Variants in DLEC1 observed in about 807,000 individuals in gnomAD.
DLEC1 encodes deleted in lung and esophageal cancer protein 1.
DLEC1 carries 146 observed loss-of-function variants against 198.1 expected under a neutral mutation model. That is an observed-to-expected ratio of 0.74 (90% CI 0.64 to 0.85). The LOEUF is 0.85. Ranked by LOEUF, DLEC1 falls within the 40% of genes least tolerant of loss-of-function variation. The pLI is 0.00. For synonymous variants in DLEC1, 897 were observed against 866.8 expected (o/e 1.03, Z -0.61); for missense variants, 2,233 against 2,220.0 (o/e 1.01, Z -0.12).
chr3:38,092,699 A>C (rs1403221564), intron 10 of DLEC1, 91 bp from the exon 11 acceptor site: 46 of 1,120,140 alleles, frequency 4.1e-5, no homozygotes, highest in Non-Finnish European at 6.1e-5. Context: ...GAGCAAAGAA[A>C]GGGGTGTGTG....
chr3:38,061,463 G>A (rs1696681265), intron 3 of DLEC1, among the ~76,000 whole-genome samples: 2 of 152,162 alleles, frequency 1.3e-5, no homozygotes, highest in Non-Finnish European at 2.9e-5. Flanking sequence ...TTACAGGCAT[G>A]AGCCACTGCG....
Position 38,072,570 on chromosome 3 carries a change from C to T in DLEC1, c.1173+8651C>T, listed in dbSNP as rs370106888. Among the ~76,000 whole-genome samples the T allele has an allele frequency of 2.0e-4, 30 of 152,146 alleles. No homozygotes were observed. The South Asian group carries it at 2.5e-3, about 13-fold the overall frequency. On this transcript the variant is annotated intron_variant, in intron 6 of 36. Coordinates refer to ENST00000308059, the MANE Select transcript of DLEC1 (RefSeq NM_007335.4). ...AGTCTCTAAAGCTGTCTTCAAGGAACAGAAAGAGGAGTGGGGAAAGGATTT... is the reference window on the plus strand; with the variant it reads ...AGTCTCTAAAGCTGTCTTCAAGGAATAGAAAGAGGAGTGGGGAAAGGATTT...
Position 38,097,246 on chromosome 3 carries a change from T to C in DLEC1, c.2405T>C (p.Ile802Thr), listed in dbSNP as rs1036269892. Residue 802 changes from isoleucine (I) to threonine (T), a missense_variant, in exon 16 of 37, where the codon ATT becomes ACT. Ile to Thr is a moderately conservative substitution (Grantham distance 89). Transcript: ENST00000308059. ...GGGAAGATCAGCGACTGCCACATCA[T>C]TGAAGTGGAGCCCGGCACAGGGGTC... is the stretch of plus-strand genomic sequence containing the variant. Reference protein sequence around the residue: ...LWGKISDCHIIEVEPGTGVIE... With the variant: ...LWGKISDCHITEVEPGTGVIE... 5 of 1,586,084 alleles carry C rather than the reference T, an allele frequency of 3.2e-6. No homozygotes were observed. The South Asian group carries it at 5.7e-5, about 18-fold the overall frequency.
intron 11 of DLEC1, among the ~76,000 whole-genome samples, chr3:38,093,329 C>T (rs1376451680): frequency 6.6e-6 from 1 of 151,888 alleles, no homozygotes; most frequent in Non-Finnish European, 1.5e-5. Context: ...CCCTCTTTTC[C>T]TCCTTCCCTC....
Position 38,123,103 on chromosome 3 carries a change from T to C in DLEC1, c.*691T>C, listed in dbSNP as rs1474235864. The C allele has an allele frequency of 1.2e-6, 2 of 1,614,178 alleles. No homozygotes were observed. The highest frequency in any genetic ancestry group is 3.3e-5 in the Admixed American group (2 of 60,016). On this transcript the variant is annotated 3_prime_UTR_variant, in exon 37 of 37. Coordinates refer to ENST00000308059, the MANE Select transcript of DLEC1 (RefSeq NM_007335.4). ...GCTCCCATTCCAGTCCCGATGCACA[T>C]GGACACCACTCCGTATGCCCTGTGA...
chr3:38,106,403 A>G (rs1699569224), intron 19 of DLEC1, among the ~76,000 whole-genome samples: 1 of 152,200 alleles, frequency 6.6e-6, no homozygotes, highest in Non-Finnish European at 1.5e-5. Context: ...TGGGGACAAG[A>G]TGAAGATGTT....
chr3:38,071,854 C>T (rs1198829097), intron 6 of DLEC1, among the ~76,000 whole-genome samples: 1 of 152,196 alleles, frequency 6.6e-6, no homozygotes, highest in African/African-American at 2.4e-5. Context: ...TATTTAGAAT[C>T]AGTGTAGATA....
intron 14 of DLEC1, 132 bp downstream of exon 14, chr3:38,096,078 A>AT (rs1477857011): frequency 6.5e-5 from 70 of 1,084,456 alleles, no homozygotes; most frequent in East Asian, 2.8e-4. Flanking sequence ...GAGTGAGAGC[A>AT]TTTTTTTTGC....
chr3:38,113,865 A>T (rs1358124416), intron 25 of DLEC1, among the ~76,000 whole-genome samples: 1 of 152,150 alleles, frequency 6.6e-6, no homozygotes, highest in African/African-American at 2.4e-5. Flanking sequence ...TGATTATCAC[A>T]CTCTTATATT....
chr3:38,085,098 C>G (rs565893439), intron 7 of DLEC1, among the ~76,000 whole-genome samples, 176 bp from the exon 8 acceptor site: 4 of 152,198 alleles, frequency 2.6e-5, no homozygotes, highest in Middle Eastern at 3.2e-3. Context: ...TACCTGGAGT[C>G]GCCACCCTTG....
rs750072558 is a variant in DLEC1 at position 38,096,592 on chromosome 3, ACTC to A, written c.2201_2203del (p.Ser734del). The A allele has an allele frequency of 2.3e-5, 37 of 1,611,264 alleles. No homozygotes were observed. Among genetic ancestry groups the A allele is most frequent in the African/African-American group, 4.0e-5 (3 of 74,694 alleles). ...AGTTCAGAAGCGGAGAGCCTGGGGCACTCCTCCTACTCTGTGGATGATGTGATT... is the reference window on the plus strand; with the variant it reads ...AGTTCAGAAGCGGAGAGCCTGGGGCACTCCTACTCTGTGGATGATGTGATT... On this transcript the variant is annotated inframe_deletion, in exon 15 of 37. Coordinates refer to ENST00000308059, the MANE Select transcript of DLEC1 (RefSeq NM_007335.4).
At position 38,051,382 on chromosome 3, in the gene DLEC1, C is replaced by T. The variant is rs74724100; in HGVS notation, c.562+5689C>T. Among the ~76,000 whole-genome samples, 1,116 of 152,342 alleles carry T rather than the reference C, an allele frequency of 7.3e-3. 13 individuals carry two copies. The highest frequency in any genetic ancestry group is 0.025 in the African/African-American group (1,033 of 41,576). ...CAACCCCACCTGTCCCTGCTGCCTG[C>T]TGCCGTAGCAGGAGCTGGAGGCTGC... On this transcript the variant is annotated intron_variant, in intron 2 of 36. Coordinates refer to ENST00000308059, the MANE Select transcript of DLEC1 (RefSeq NM_007335.4).
Position 38,100,307 on chromosome 3 carries a change from C to T in DLEC1, c.2746C>T (p.Pro916Ser). ...GCAGGTGTCTCCCTTCGACATTGAG[C>T]CTTCGAGTGGCCAGCTTCACTCTCT... The part of the protein sequence containing the change: ...PEDVSPFDIE[P>S]SSGQLHSLGE... Residue 916 changes from proline to serine, a missense_variant, in exon 19 of 37, where the codon CCT (proline) becomes TCT (serine). Physicochemically the swap from Pro to Ser is moderately conservative, Grantham distance 74. Transcript: ENST00000308059. The T allele has an allele frequency of 2.5e-6, 4 of 1,612,738 alleles. No individual in the cohort carries two copies. Among genetic ancestry groups the T allele is most frequent in the Non-Finnish European group, 3.4e-6 (4 of 1,179,538 alleles).
At position 38,121,736 on chromosome 3, in the gene DLEC1, C is replaced by T. The variant is rs372712727; in HGVS notation, c.4975C>T (p.Leu1659=). 8.1e-6 allele frequency: 13 copies of T among 1,614,052 alleles called. No individual in the cohort carries two copies. The highest frequency in any genetic ancestry group is 1.0e-5 in the Non-Finnish European group (12 of 1,179,950). ...CCAGCAGCGAGTCCGGGAGGTCTAC[C>T]TGATGAACCTGAGCGGGTGCCGAAG... The part of the protein sequence containing the change: ...VSQQRVREVY[L]MNLSGCRSYW... The change falls in exon 35 of 37, where the codon CTG becomes TTG. Residue 1659 remains leucine, a synonymous_variant. Transcript: ENST00000308059.
intron 33 of DLEC1, among the ~76,000 whole-genome samples, chr3:38,119,083 G>A (rs1000209255): frequency 9.9e-5 from 15 of 152,192 alleles, no homozygotes; most frequent in Admixed American, 7.9e-4. Context: ...AGCTTCCAAG[G>A]AGACACGGCG....
chr3:38,078,562 A>G (rs1057479564), intron 6 of DLEC1, among the ~76,000 whole-genome samples: 4 of 152,142 alleles, frequency 2.6e-5, no homozygotes, highest in African/African-American at 9.7e-5. Flanking sequence ...GTGTGTTTTT[A>G]TGAGAATTAT....
chr3:38,084,458 A>AGTGGTGGTGGTAGTAGTG (rs1559430285), intron 7 of DLEC1, among the ~76,000 whole-genome samples: 1 of 476 alleles, frequency 2.1e-3, no homozygotes, highest in Non-Finnish European at 4.2e-3. Context: ...TGGTGGTAGT[A>AGTGGTGGTGGTAGTAGTG]GTAATAGTAG....
At chr3:38,110,619 A>G (rs1699814247) in intron 23 of DLEC1, among the ~76,000 whole-genome samples, 1 of 152,176 alleles carries the variant, frequency 6.6e-6, no homozygotes, top group African/African-American at 2.4e-5. Flanking sequence ...GGTGGGAGGA[A>G]TAGTTCAGGA....
Position 38,108,531 on chromosome 3 carries a change from T to C in DLEC1, c.3129+16T>C. The C allele has an allele frequency of 6.2e-7, 1 of 1,608,092 alleles. No homozygotes were observed. Among genetic ancestry groups the C allele is most frequent in the Non-Finnish European group, 8.5e-7 (1 of 1,175,326 alleles). The stretch of plus-strand genomic sequence containing the variant: ...TCATACCCAGGTGAGTAAGGCAATG[T>C]AGGGCCTGAGTGACCGGGAAGGCAC... On this transcript the variant is annotated intron_variant, in intron 21 of 36. Transcript: ENST00000308059.
Sources: allele counts gnomAD v4.1 joint callset (sites outside exome capture counted in the v4.1 genomes callset), GRCh38; gene constraint gnomAD v4.1.1; transcripts MANE v1.5; gene names NCBI Gene and HGNC (gene_info 2026-07-23, HGNC 2026-07-21).